The following NINJ2 variants were observed in gnomAD, a reference collection of about 807,000 sequenced individuals.
NINJ2 encodes ninjurin 2, also known as ninjurin-2.
Under a neutral mutation model 11.7 loss-of-function variants are expected in NINJ2, and 12 were observed. The observed-to-expected ratio is 1.02, with a 90% CI of 0.66 to 1.66. The LOEUF (loss-of-function observed/expected upper bound fraction) is 1.66. Among genes scored for constraint, NINJ2 ranks in the 40% most tolerant of loss-of-function variants. NINJ2 has a pLI of 0.00. For synonymous variants in NINJ2, 93 were observed against 76.8 expected, an observed-to-expected ratio of 1.21 and a Z score of -1.10; for missense variants, 187 against 181.8, an observed-to-expected ratio of 1.03 and a Z score of -0.16.
intron 1 of NINJ2, among the ~76,000 whole-genome samples, chr12:615,447 G>GC (rs1360303941): frequency 6.6e-6 from 1 of 152,110 alleles, no homozygotes; most frequent in Non-Finnish European, 1.5e-5. Context: ...AATTAGCCGG[G>GC]CGTAGTGGCG....
intron 1 of NINJ2, among the ~76,000 whole-genome samples, chr12:583,621 G>T (rs1225788236): frequency 6.6e-6 from 1 of 152,240 alleles, no homozygotes; most frequent in Non-Finnish European, 1.5e-5. Context: ...GCTGAATTGT[G>T]GGATACCAGG....
rs540467743 is a variant in NINJ2 at position 582,725 on chromosome 12, G to A, written c.34-16547C>T. The stretch of plus-strand genomic sequence containing the variant: ...TGCTAGAGTGAATGAATGAATGGAC[G>A]CAGGCAGGCATGCTAGAGTGAATGA... On this transcript the variant is annotated intron_variant, in intron 1 of 3. Coordinates refer to ENST00000305108, the MANE Select transcript of NINJ2 (RefSeq NM_016533.6). Among the ~76,000 whole-genome samples, 121 of 83,962 alleles carry A rather than the reference G, an allele frequency of 1.4e-3. 1 individual carries two copies. Among genetic ancestry groups the A allele is most frequent in the African/African-American group, 5.9e-3 (111 of 18,688 alleles). 55.1% of individuals were successfully genotyped at this position (83,962 alleles called of 152,430 possible).
intron 1 of NINJ2, among the ~76,000 whole-genome samples, chr12:570,178 G>A (rs1403946026): frequency 6.6e-6 from 1 of 152,244 alleles, no homozygotes; most frequent in Non-Finnish European, 1.5e-5. Flanking sequence ...CCAGAAGGGA[G>A]GGGCCTCCAG....
chr12:589,444 T>C (rs1947688734), intron 1 of NINJ2: 1 of 152,188 alleles, frequency 6.6e-6, no homozygotes, highest in African/African-American at 2.4e-5. Flanking sequence ...GAAACAGATA[T>C]GGGAGGAATT....
chr12:612,748 G>C (rs936687087), intron 1 of NINJ2, among the ~76,000 whole-genome samples: 8 of 152,074 alleles, frequency 5.3e-5, no homozygotes, highest in African/African-American at 1.4e-4. Flanking sequence ...TCTGTCACCC[G>C]TAACCCAAAG....
chr12:649,517 G>GTGTGTGTA (rs1189711320), intron 1 of NINJ2, among the ~76,000 whole-genome samples: 16 of 75,912 alleles, frequency 2.1e-4, no homozygotes, highest in African/African-American at 6.2e-4. Context: ...GTGAATATGT[G>GTGTGTGTA]TGTGTGTATA....
chr12:587,909 G>C (rs1020034201), intron 1 of NINJ2, among the ~76,000 whole-genome samples: 2 of 152,196 alleles, frequency 1.3e-5, no homozygotes, highest in Non-Finnish European at 2.9e-5. Context: ...ACTGGACGGT[G>C]AACTCCTTCA....
At position 576,466 on chromosome 12, in the gene NINJ2, T is replaced by C. The variant is rs117273325; in HGVS notation, c.34-10288A>G. Among the ~76,000 whole-genome samples the C allele has an allele frequency of 5.9e-3, 904 of 152,306 alleles. 4 individuals carry two copies. Among genetic ancestry groups the C allele is most frequent in the Middle Eastern group, 0.01 (3 of 294 alleles). On this transcript the variant is annotated intron_variant, in intron 1 of 3. Coordinates refer to ENST00000305108, the MANE Select transcript of NINJ2 (RefSeq NM_016533.6). ...AAAGCACGTGCGTTGAAACCGGAACTCGGGCCTGCTTGCTTGCTTATTTAT... is the reference window on the plus strand; with the variant it reads ...AAAGCACGTGCGTTGAAACCGGAACCCGGGCCTGCTTGCTTGCTTATTTAT...
chr12:592,323 C>A (rs192931235), intron 1 of NINJ2, among the ~76,000 whole-genome samples: 1 of 152,122 alleles, frequency 6.6e-6, no homozygotes, highest in African/African-American at 2.4e-5. Context: ...GGACCCGTCA[C>A]GGTACATTCT....
At chr12:662,232 G>C (rs192608720) in intron 1 of NINJ2, among the ~76,000 whole-genome samples, 1 of 152,290 alleles carries the variant, frequency 6.6e-6, no homozygotes, top group Non-Finnish European at 1.5e-5. Flanking sequence ...GACCGCTCTC[G>C]GGGCTGGCTG....
At chr12:612,326 C>T (rs1215227598) in intron 1 of NINJ2, among the ~76,000 whole-genome samples, 1 of 152,256 alleles carries the variant, frequency 6.6e-6, no homozygotes, top group Non-Finnish European at 1.5e-5. Context: ...TCGGGGCAGT[C>T]GCAACCTCCC....
At chr12:606,196 T>C (rs1284451450) in intron 1 of NINJ2, among the ~76,000 whole-genome samples, 4 of 152,058 alleles carry the variant, frequency 2.6e-5, no homozygotes, top group African/African-American at 9.7e-5. Context: ...AAAAGGAATA[T>C]TCGGAAACCA....
intron 1 of NINJ2, among the ~76,000 whole-genome samples, chr12:649,531 G>GTGTGTATATATATATATA (rs139452771): frequency 7.8e-6 from 1 of 127,698 alleles, no homozygotes; most frequent in South Asian, 2.7e-4. Flanking sequence ...GTGTATATGT[G>GTGTGTATATATATATATA]TATATATATA....
chr12:582,301 GCA>G (rs1947566790), intron 1 of NINJ2, among the ~76,000 whole-genome samples: 1 of 103,416 alleles, frequency 9.7e-6, no homozygotes, highest in African/African-American at 4.0e-5. Flanking sequence ...ACGCAGGCAG[GCA>G]GGCATGCTAG....
chr12:630,558 A>G (rs1164338727), intron 1 of NINJ2, among the ~76,000 whole-genome samples: 1 of 151,996 alleles, frequency 6.6e-6, no homozygotes, highest in Non-Finnish European at 1.5e-5. Context: ...TTGTATTTTT[A>G]GCACAGACGG....
chr12:628,361 G>T lies in NINJ2; in HGVS notation c.33+34967C>A, dbSNP rs1948233404. ...CTCAGAGTACATAGGAAGGAGCCAG[G>T]TCTTTCCGTTCTTCTGCGTCTCCTC... is the stretch of plus-strand genomic sequence containing the variant. On this transcript the variant is annotated intron_variant, in intron 1 of 3. Coordinates refer to ENST00000305108, the MANE Select transcript of NINJ2 (RefSeq NM_016533.6). The surrounding 1 kb of genome is among the most constrained non-coding windows in gnomAD (Gnocchi z 4.4). Among the ~76,000 whole-genome samples the T allele has an allele frequency of 6.6e-6, 1 of 152,100 alleles. No individual in the cohort carries two copies. Among genetic ancestry groups the T allele is most frequent in the Non-Finnish European group, 1.5e-5 (1 of 67,990 alleles).
At chr12:657,842 T>G (rs1214973775) in intron 1 of NINJ2, among the ~76,000 whole-genome samples, 1 of 152,176 alleles carries the variant, frequency 6.6e-6, no homozygotes, top group East Asian at 1.9e-4. Flanking sequence ...CTGGTGGACA[T>G]GCAAAACAGT....
chr12:593,192 A>G (rs1947738071), intron 1 of NINJ2, among the ~76,000 whole-genome samples: 1 of 152,214 alleles, frequency 6.6e-6, no homozygotes, highest in Non-Finnish European at 1.5e-5. Context: ...AACTGGGTGT[A>G]ATGACTACAT....
Position 613,859 on chromosome 12 carries a change from C to T in NINJ2, c.34-47681G>A, listed in dbSNP as rs892722838. Among the ~76,000 whole-genome samples the T allele has an allele frequency of 3.9e-5, 6 of 152,006 alleles. No individual in the cohort carries two copies. In the East Asian group the frequency reaches 5.8e-4, roughly 15 times the overall value. ...GATGGAGCTTGCAGTGAGCCGAGAT[C>T]GCGCCACTGCACTCCAGCCCGGGTG... is the stretch of plus-strand genomic sequence containing the variant. On this transcript the variant is annotated intron_variant, in intron 1 of 3. Transcript: ENST00000305108.
Sources: gnomAD v4.1 joint callset for allele counts (sites outside exome capture counted in the v4.1 genomes callset) on GRCh38, gnomAD v4.1.1 for gene constraint, Gnocchi (gnomAD v3.1) non-coding constraint, MANE v1.5 for transcripts, NCBI Gene and HGNC (gene_info 2026-07-23, HGNC 2026-07-21) for gene names.